The following RTL4 variants were observed in gnomAD, a reference collection of about 807,000 sequenced individuals.
RTL4 encodes the protein retrotransposon Gag-like protein 4.
A neutral mutation model predicts 5.3 loss-of-function variants in RTL4; 4 were observed. The ratio of observed to expected loss-of-function variants is 0.75; its 90% CI spans 0.37 to 1.72. The LOEUF is 1.72. Ranked by LOEUF, RTL4 falls within the 40% of genes most tolerant of loss-of-function variation. The probability of loss-of-function intolerance (pLI) is 0.04; values close to 1 mark genes in which losing one functional copy is unlikely to be tolerated. For synonymous variants in RTL4, 98 were observed against 87.3 expected, an observed-to-expected ratio of 1.12 and a Z score of -0.68; for missense variants, 260 against 227.1, an observed-to-expected ratio of 1.14 and a Z score of -0.93.
the RTL4 span, among the ~76,000 whole-genome samples, chrX:112,293,494 C>G: frequency 8.9e-6 from 1 of 111,962 alleles, no homozygotes. Context: ...ATAGTATCTG[C>G]TGAAAACTTC....
the RTL4 span, among the ~76,000 whole-genome samples, chrX:112,258,819 T>C: frequency 9.0e-6 from 1 of 111,725 alleles, no homozygotes; most frequent in Non-Finnish European, 1.9e-5. Context: ...CATATTTTCA[T>C]TTAGTATTTT....
chrX:112,305,290 G>A, the RTL4 span, among the ~76,000 whole-genome samples: 2 of 108,266 alleles, frequency 1.8e-5, no homozygotes. Context: ...CTGAGTAGCT[G>A]GGACTATAGG....
chrX:112,363,086 G>A, the RTL4 span, among the ~76,000 whole-genome samples: 1 of 110,854 alleles, frequency 9.0e-6, no homozygotes, highest in Admixed American at 9.6e-5. Context: ...AAAGGGTAAA[G>A]GTGGGAGAGA....
the RTL4 span, among the ~76,000 whole-genome samples, chrX:112,357,811 C>A: frequency 9.0e-6 from 1 of 111,657 alleles, no homozygotes; most frequent in South Asian, 3.7e-4. Context: ...AATTAAAGTG[C>A]TTTTACTGGA....
At chrX:112,314,151 G>C in the RTL4 span, among the ~76,000 whole-genome samples, 1 of 111,759 alleles carries the variant, frequency 8.9e-6, no homozygotes, top group Non-Finnish European at 1.9e-5. Flanking sequence ...CTGAGATTCA[G>C]AGAGATTAAG....
At chrX:112,209,519 T>C in the RTL4 span, among the ~76,000 whole-genome samples, 1 of 111,620 alleles carries the variant, frequency 9.0e-6, no homozygotes, top group Non-Finnish European at 1.9e-5. Context: ...AACCAGGCCC[T>C]AGTCTTCTTT....
At chrX:112,331,498 T>A in the RTL4 span, among the ~76,000 whole-genome samples, 2 of 105,071 alleles carry the variant, frequency 1.9e-5, no homozygotes, top group East Asian at 6.2e-4. Flanking sequence ...CATTAAAAAG[T>A]CAGGAAACAA....
the RTL4 span, among the ~76,000 whole-genome samples, chrX:112,222,200 G>A: frequency 3.5e-3 from 393 of 111,518 alleles, 1 homozygote; most frequent in African/African-American, 0.012. Flanking sequence ...TTCTCTCCAT[G>A]TGTTATCTTG....
chrX:112,256,586 T>C, the RTL4 span, among the ~76,000 whole-genome samples: 1 of 111,915 alleles, frequency 8.9e-6, no homozygotes, highest in Admixed American at 9.5e-5. Context: ...ATTGGATTTA[T>C]GGATTAACGT....
At chrX:112,179,010 C>T in the RTL4 span, among the ~76,000 whole-genome samples, 1 of 111,860 alleles carries the variant, frequency 8.9e-6, no homozygotes, top group Non-Finnish European at 1.9e-5. Flanking sequence ...CTTTGAGGAA[C>T]AGATTCTTAG....
chrX:112,339,099 TA>T, the RTL4 span, among the ~76,000 whole-genome samples: 489 of 107,511 alleles, frequency 4.5e-3, 4 homozygotes, highest in African/African-American at 0.014. Context: ...ATTATAAAAG[TA>T]AAAAAAAAAT....
chrX:112,385,909 G>T, the RTL4 span, among the ~76,000 whole-genome samples: 1 of 111,693 alleles, frequency 9.0e-6, no homozygotes, highest in Non-Finnish European at 1.9e-5. Context: ...CTGTTCTTCT[G>T]TGCTTCCTTG....
chrX:112,176,306 A>G, the RTL4 span, among the ~76,000 whole-genome samples: 7 of 112,165 alleles, frequency 6.2e-5, no homozygotes, highest in Admixed American at 6.6e-4. Flanking sequence ...TGCCCAAGGT[A>G]ATTTATAGAT....
chrX:112,354,563 G>A, the RTL4 span, among the ~76,000 whole-genome samples: 5 of 111,665 alleles, frequency 4.5e-5, no homozygotes, highest in East Asian at 8.5e-4. Flanking sequence ...GGAAATCTCT[G>A]TGTCTCTAGA....
chrX:112,388,159 A>G, the RTL4 span, among the ~76,000 whole-genome samples: 1 of 111,735 alleles, frequency 8.9e-6, no homozygotes, highest in Non-Finnish European at 1.9e-5. Context: ...ATTCCTACAT[A>G]TTTTATTTTT....
At chrX:112,384,092 A>T in the RTL4 span, among the ~76,000 whole-genome samples, 3 of 112,448 alleles carry the variant, frequency 2.7e-5, no homozygotes, top group Non-Finnish European at 5.6e-5. Context: ...GGATTATATT[A>T]TAAGGACATG....
the RTL4 span, among the ~76,000 whole-genome samples, chrX:112,313,797 A>G: frequency 2.7e-5 from 3 of 110,392 alleles, no homozygotes; most frequent in African/African-American, 9.9e-5. Flanking sequence ...TAAGGTATAT[A>G]AGAACCAGCA....
chrX:112,352,137 G>T, the RTL4 span, among the ~76,000 whole-genome samples: 683 of 110,548 alleles, frequency 6.2e-3, 10 homozygotes, highest in African/African-American at 0.022. Context: ...AGCTTAGTTT[G>T]CCTGGATATG....
chrX:112,268,700 T>A, the RTL4 span, among the ~76,000 whole-genome samples: 1 of 112,010 alleles, frequency 8.9e-6, no homozygotes, highest in African/African-American at 3.2e-5. Flanking sequence ...AGTCTTGTGT[T>A]CAGGGCTCTG....
Sources: allele counts gnomAD v4.1 joint callset (sites outside exome capture counted in the v4.1 genomes callset), GRCh38; gene constraint gnomAD v4.1.1; transcripts MANE v1.5; gene names NCBI Gene and HGNC (gene_info 2026-07-23, HGNC 2026-07-21).